Variants in SDAD1 observed in about 807,000 individuals in gnomAD.
SDAD1 encodes the protein protein SDA1 homolog.
In SDAD1, 79 loss-of-function variants were observed where a neutral mutation model predicts 100.3. The ratio of observed to expected loss-of-function variants is 0.79; its 90% CI spans 0.66 to 0.95. The LOEUF is 0.95. Ranked by LOEUF, SDAD1 falls within the 40% of genes least tolerant of loss-of-function variation. The probability of loss-of-function intolerance (pLI) is 0.00; values close to 1 mark genes in which losing one functional copy is unlikely to be tolerated. For missense variants in SDAD1, 790 were observed against 810.9 expected (o/e 0.97, Z 0.31); for synonymous variants, 267 against 271.4 (o/e 0.98, Z 0.16).
chr4:75,964,093 A>G, intron 14 of SDAD1, 42 bp downstream of exon 14: 1 of 1,295,894 alleles, frequency 7.7e-7, no homozygotes, highest in East Asian at 2.3e-5. Context: ...AATCTAGTCC[A>G]TTAAACAATG....
At chr4:75,960,333 G>T in intron 16 of SDAD1, 141 bp from the exon 17 acceptor site, 1 of 757,502 alleles carries the variant, frequency 1.3e-6, no homozygotes, top group Non-Finnish European at 2.0e-6. Context: ...CTGGAGTGCA[G>T]TGGTACAATC....
At chr4:75,955,865 G>C (rs999533259) in intron 21 of SDAD1, 110 bp downstream of exon 21, 7 of 1,247,506 alleles carry the variant, frequency 5.6e-6, no homozygotes, top group Non-Finnish European at 7.8e-6. Flanking sequence ...ATGCTCCCAA[G>C]ACACACACAA....
chr4:75,957,993 A>G, intron 17 of SDAD1, 52 bp from the exon 18 acceptor site: 3 of 1,449,516 alleles, frequency 2.1e-6, no homozygotes, highest in Non-Finnish European at 2.9e-6. Flanking sequence ...CACATTCAAC[A>G]TAAAGTTGAG....
At chr4:75,970,419 T>A in intron 9 of SDAD1, 41 bp from the exon 10 acceptor site, 1 of 1,463,620 alleles carries the variant, frequency 6.8e-7, no homozygotes, top group East Asian at 2.3e-5. Context: ...TGAGTTACAG[T>A]GATGATGCTC....
At chr4:75,955,874 A>T in intron 21 of SDAD1, 101 bp downstream of exon 21, 1 of 1,328,494 alleles carries the variant, frequency 7.5e-7, no homozygotes, top group South Asian at 1.5e-5. Context: ...AGACACACAC[A>T]ATAATGCCCA....
At chr4:75,974,584 C>T (rs893726648) in intron 6 of SDAD1, among the ~76,000 whole-genome samples, 1 of 152,000 alleles carries the variant, frequency 6.6e-6, no homozygotes, top group Non-Finnish European at 1.5e-5. Flanking sequence ...GGGCATGTGC[C>T]TGTAATTCCA....
intron 1 of SDAD1, among the ~76,000 whole-genome samples, chr4:75,986,164 G>T (rs1314857416): frequency 6.6e-6 from 1 of 151,970 alleles, no homozygotes; most frequent in Non-Finnish European, 1.5e-5. Flanking sequence ...TGTCGCCCAG[G>T]TTTCCGTGCA....
At chr4:75,966,704 T>C (rs975875659) in intron 12 of SDAD1, among the ~76,000 whole-genome samples, 4 of 152,204 alleles carry the variant, frequency 2.6e-5, no homozygotes, top group Non-Finnish European at 2.9e-5. Flanking sequence ...TAAAAAAGAA[T>C]TTTCCATGAG....
intron 11 of SDAD1, among the ~76,000 whole-genome samples, chr4:75,967,863 T>C (rs1352005392): frequency 9.0e-6 from 1 of 111,064 alleles, no homozygotes; most frequent in Non-Finnish European, 2.1e-5. Flanking sequence ...GCACCATAAT[T>C]CAGAGGGAAA....
intron 19 of SDAD1, 52 bp from the exon 20 acceptor site, chr4:75,957,461 G>A (rs576476999): frequency 1.2e-6 from 2 of 1,611,734 alleles, no homozygotes; most frequent in African/African-American, 1.3e-5. Flanking sequence ...TCTGTTTCCT[G>A]ATGCTTTCAT....
intron 9 of SDAD1, 23 bp downstream of exon 9, chr4:75,971,334 C>T (rs1027787749): frequency 1.3e-6 from 2 of 1,528,190 alleles, no homozygotes; most frequent in Admixed American, 1.7e-5. Flanking sequence ...ACTCCTATCT[C>T]ATTTTCCAGA....
Position 75,969,531 on chromosome 4 carries a change from T to C in SDAD1, c.884-132A>G, listed in dbSNP as rs947518328. The C allele has an allele frequency of 4.8e-5, 28 of 580,614 alleles. No individual in the cohort carries two copies. In the East Asian group the frequency reaches 8.2e-4, roughly 17 times the overall value. The allele number at this position is 580,614 out of a possible 1,614,324, so 36.0% of individuals were successfully genotyped here. On this transcript the variant is annotated intron_variant, in intron 10 of 21. Coordinates refer to ENST00000356260, the MANE Select transcript of SDAD1 (RefSeq NM_018115.4). The stretch of plus-strand genomic sequence containing the variant: ...AAACAGGTGAATATGTCAATATATG[T>C]AATGGTGCCCAAAGTTAAGTCTTAA...
At chr4:75,965,871 C>T (rs1729510563) in intron 12 of SDAD1, 49 bp from the exon 13 acceptor site, 1 of 1,478,664 alleles carries the variant, frequency 6.8e-7, no homozygotes, top group African/African-American at 1.4e-5. Context: ...ATCACCCTGC[C>T]TCTGAGGACC....
chr4:75,965,818 T>G lies in SDAD1; in HGVS notation c.1050A>C (p.Val350=). ...QRFLQPHQRE[V]TKILLFAAQA... ...GTGCAGCAAACAGAAGGATCTTGGTTACTTCTGAAAACATAAGAGAACAGA... is the reference window on the plus strand; with the variant it reads ...GTGCAGCAAACAGAAGGATCTTGGTGACTTCTGAAAACATAAGAGAACAGA... The change falls in exon 13 of 22, where the codon GTA becomes GTC. Residue 350 remains valine, a synonymous_variant. Transcript: ENST00000356260. 1 of 1,613,526 alleles carries G rather than the reference T, an allele frequency of 6.2e-7. No homozygotes were observed. The highest frequency in any genetic ancestry group is 8.5e-7 in the Non-Finnish European group (1 of 1,179,646).
At chr4:75,984,103 T>C (rs1480822845) in intron 1 of SDAD1, among the ~76,000 whole-genome samples, 3 of 151,800 alleles carry the variant, frequency 2.0e-5, no homozygotes, top group East Asian at 1.9e-4. Flanking sequence ...GTTGTAGATG[T>C]GTGGCGTTAT....
chr4:75,958,082 A>G (rs774555766), intron 17 of SDAD1, 141 bp from the exon 18 acceptor site: 10 of 734,540 alleles, frequency 1.4e-5, no homozygotes, highest in Admixed American at 2.2e-5. Context: ...TTATTGTTAA[A>G]TAAACAATGT....
At chr4:75,954,546 G>A (rs753714259) in intron 21 of SDAD1, among the ~76,000 whole-genome samples, 3 of 151,836 alleles carry the variant, frequency 2.0e-5, no homozygotes, top group Non-Finnish European at 2.9e-5. Flanking sequence ...GGTGGCAGAC[G>A]CCTGTAGTCC....
chr4:75,972,395 G>A (rs1174190717), intron 8 of SDAD1, among the ~76,000 whole-genome samples: 4 of 148,806 alleles, frequency 2.7e-5, no homozygotes, highest in Admixed American at 6.7e-5. Context: ...GTGAAGGTCC[G>A]CGGCTCCAAA....
chr4:75,950,129 A>C lies in SDAD1; in HGVS notation c.*621T>G, dbSNP rs894053580. 2.1e-4 allele frequency: 23 copies of C among 107,928 alleles called. No homozygotes were observed. The highest frequency in any genetic ancestry group is 8.6e-4 in the African/African-American group (21 of 24,542). The allele number at this position is 107,928 out of a possible 1,614,324, so 6.7% of individuals were successfully genotyped here. A position where few individuals can be genotyped will look rare whatever the true frequency, so the allele number is the denominator to read the frequency against. ...TTCAAAACAAAAACAAAAACAAAAA[A>C]AACACGGGGGGGGGGGGGTCACTTA... On this transcript the variant is annotated 3_prime_UTR_variant, in exon 22 of 22. Transcript: ENST00000356260.
Sources: allele counts gnomAD v4.1 joint callset (sites outside exome capture counted in the v4.1 genomes callset), GRCh38; gene constraint gnomAD v4.1.1; transcripts MANE v1.5; gene names NCBI Gene and HGNC (gene_info 2026-07-23, HGNC 2026-07-21).